Variants in KIF13B observed in about 807,000 individuals in gnomAD.
The protein encoded by KIF13B is kinesin family member 13B, also known as kinesin-like protein KIF13B.
KIF13B carries 127 observed loss-of-function variants against 222.0 expected under a neutral mutation model. That is an observed-to-expected ratio of 0.57 (90% confidence interval 0.50 to 0.66). KIF13B has a LOEUF of 0.66. KIF13B is among the 30% of genes least tolerant of loss of function. KIF13B has a pLI of 0.00. For synonymous variants in KIF13B, 976 were observed against 919.0 expected (o/e 1.06, Z -1.12); for missense variants, 2,173 against 2,379.0 (o/e 0.91, Z 1.80).
Position 29,070,863 on chromosome 8 carries a change from C to T in KIF13B, c.5219-97G>A, listed in dbSNP as rs959719870. On this transcript the variant is annotated intron_variant, in intron 39 of 39. Transcript: ENST00000524189. This position sits in a 1 kb window ranked among gnomAD's most constrained non-coding sequence, Gnocchi z 4.1. ...TGCAGAGGCCATGTGCCCACACTGC[C>T]ACCCCCCCGCACAGGCCCTACACAG... is the stretch of plus-strand genomic sequence containing the variant. 382 of 1,293,242 alleles carry T rather than the reference C, an allele frequency of 3.0e-4. No homozygotes were observed. The highest frequency in any genetic ancestry group is 4.0e-4 in the Non-Finnish European group (372 of 927,976). 80.1% of individuals were successfully genotyped at this position (1,293,242 alleles called of 1,614,324 possible).
intron 5 of KIF13B, among the ~76,000 whole-genome samples, chr8:29,187,373 C>T (rs942356085): frequency 6.6e-6 from 1 of 151,998 alleles, no homozygotes; most frequent in African/African-American, 2.4e-5. Context: ...CCTAAAAATA[C>T]CAAAAAAATT....
intron 9 of KIF13B, 78 bp from the exon 10 acceptor site, chr8:29,176,257 C>A: frequency 1.2e-6 from 1 of 842,938 alleles, no homozygotes; most frequent in South Asian, 1.5e-5. Flanking sequence ...AGATTGAACA[C>A]TAAGATGCCC....
intron 30 of KIF13B, 27 bp from the exon 31 acceptor site, chr8:29,117,034 G>C: frequency 6.6e-7 from 1 of 1,522,278 alleles, no homozygotes; most frequent in Non-Finnish European, 8.9e-7. Flanking sequence ...GAGGAAACAG[G>C]TTTCTCTCTT....
rs1459038546 is a variant in KIF13B at position 29,116,736 on chromosome 8, A to C, written c.3837+95T>G. The C allele has an allele frequency of 5.2e-6, 6 of 1,157,476 alleles. No homozygotes were observed. In the African/African-American group the frequency reaches 6.2e-5, roughly 12 times the overall value. 71.7% of individuals were successfully genotyped at this position (1,157,476 alleles called of 1,614,324 possible). On this transcript the variant is annotated intron_variant, in intron 31 of 39. Transcript: ENST00000524189. ...AAAAGAAAAGCTCAGTGCTTCCGGG[A>C]GCCTGTTTGGACAGAAGGTTAACAG...
intron 1 of KIF13B, among the ~76,000 whole-genome samples, chr8:29,247,634 G>A (rs1816087741): frequency 6.6e-6 from 1 of 151,874 alleles, no homozygotes; most frequent in Non-Finnish European, 1.5e-5. Flanking sequence ...TTTGAGACCA[G>A]CCTGGGCAAC....
chr8:29,078,675 A>C (rs979142672), intron 37 of KIF13B, among the ~76,000 whole-genome samples: 18 of 152,254 alleles, frequency 1.2e-4, no homozygotes, highest in Non-Finnish European at 1.3e-4. Flanking sequence ...ATTAAGGAGA[A>C]GTCCCATGAG....
At chr8:29,210,573 G>A (rs952925994) in intron 2 of KIF13B, among the ~76,000 whole-genome samples, 4 of 152,142 alleles carry the variant, frequency 2.6e-5, no homozygotes, top group African/African-American at 9.7e-5. Context: ...AAAGTGTATG[G>A]CAGATGACAT....
intron 2 of KIF13B, among the ~76,000 whole-genome samples, chr8:29,228,652 G>A (rs1348476506): frequency 3.3e-5 from 5 of 151,794 alleles, no homozygotes; most frequent in Non-Finnish European, 7.4e-5. Context: ...TCTGTCTCAA[G>A]GGAAACTTCT....
intron 2 of KIF13B, among the ~76,000 whole-genome samples, chr8:29,201,268 T>C (rs1181304385): frequency 1.3e-5 from 2 of 152,250 alleles, no homozygotes; most frequent in African/African-American, 2.4e-5. Context: ...GCTGCATATC[T>C]GGGATAAAGA....
rs1807061205 is a variant in KIF13B at position 29,067,714 on chromosome 8, CATACAGGGA to C, written c.*2781_*2789del. ...CACACTCTCAGGACTTCCCGTTTCA[CATACAGGGA>C]ACTTTTAAGGCAAGAGGAGAAAATG... On this transcript the variant is annotated 3_prime_UTR_variant, in exon 40 of 40. Transcript: ENST00000524189. The C allele has an allele frequency of 6.6e-6, 1 of 152,364 alleles. No individual in the cohort carries two copies. The highest frequency in any genetic ancestry group is 2.4e-5 in the African/African-American group (1 of 41,464). The allele number at this position is 152,364 out of a possible 1,614,324, so 9.4% of individuals were successfully genotyped here. A position where few individuals can be genotyped will look rare whatever the true frequency, so the allele number is the denominator to read the frequency against.
In KIF13B at chr8:29,071,545, C is replaced by T; in HGVS notation, c.5218+75G>A. Reference sequence around the variant, plus strand: ...TCCCTCTCCTGCCCGGACCCTGTCCCCTCCCAGGCCGGCCACGTTCCTGCT... The same window carrying T: ...TCCCTCTCCTGCCCGGACCCTGTCCTCTCCCAGGCCGGCCACGTTCCTGCT... On this transcript the variant is annotated intron_variant, in intron 39 of 39. Coordinates refer to ENST00000524189, the MANE Select transcript of KIF13B (RefSeq NM_015254.4). This position sits in a 1 kb window ranked among gnomAD's most constrained non-coding sequence, Gnocchi z 4.9. The T allele has an allele frequency of 7.4e-7, 1 of 1,348,176 alleles. No individual in the cohort carries two copies. The highest frequency in any genetic ancestry group is 1.0e-6 in the Non-Finnish European group (1 of 976,894). 83.5% of individuals were successfully genotyped at this position (1,348,176 alleles called of 1,614,324 possible).
At chr8:29,149,481 A>G (rs1187881402) in intron 15 of KIF13B, among the ~76,000 whole-genome samples, 2 of 152,186 alleles carry the variant, frequency 1.3e-5, no homozygotes, top group Non-Finnish European at 2.9e-5. Flanking sequence ...CCTTGTCAAC[A>G]CAACATCAAT....
rs113258751 is a variant in KIF13B at position 29,167,357 on chromosome 8, C to T, written c.1158+16G>A. On this transcript the variant is annotated intron_variant, in intron 11 of 39. Transcript: ENST00000524189. ...TCTTCCTGGACTCACAGGGCGCACG[C>T]GGTGGTGCCTCCTACCTCTGCTTTG... 3.5e-4 allele frequency: 564 copies of T among 1,599,560 alleles called. No individual in the cohort carries two copies. Among genetic ancestry groups the T allele is most frequent in the Non-Finnish European group, 4.5e-4 (527 of 1,169,258 alleles).
intron 5 of KIF13B, among the ~76,000 whole-genome samples, chr8:29,186,787 C>T (rs1277894958): frequency 2.0e-5 from 3 of 150,694 alleles, no homozygotes; most frequent in Non-Finnish European, 3.0e-5. Context: ...GGTGAAACCC[C>T]GTCTCTACTA....
chr8:29,165,374 C>T lies in KIF13B; in HGVS notation c.1269+288G>A, dbSNP rs565723325. On this transcript the variant is annotated intron_variant, in intron 12 of 39. Coordinates refer to ENST00000524189, the MANE Select transcript of KIF13B (RefSeq NM_015254.4). The stretch of plus-strand genomic sequence containing the variant: ...GGTCTCCAAAGCACTTAATAGAATG[C>T]GGTGTTAAGAGCCAGGGGCTACAAA... Among the ~76,000 whole-genome samples, 7 of 151,976 alleles carry T rather than the reference C, an allele frequency of 4.6e-5. No homozygotes were observed. In the South Asian group the frequency reaches 1.0e-3, roughly 23 times the overall value.
intron 5 of KIF13B, 64 bp downstream of exon 5, chr8:29,188,451 T>G: frequency 5.7e-6 from 6 of 1,044,984 alleles, no homozygotes; most frequent in Non-Finnish European, 8.6e-6. Flanking sequence ...CTCAGTAAAA[T>G]AAACATGGTT....
intron 12 of KIF13B, among the ~76,000 whole-genome samples, chr8:29,164,663 T>C (rs774016171): frequency 2.0e-5 from 3 of 152,202 alleles, no homozygotes; most frequent in Non-Finnish European, 4.4e-5. Flanking sequence ...TGGAGTTGTC[T>C]GATTATGAAA....
chr8:29,148,425 G>A (rs910874760), intron 16 of KIF13B, among the ~76,000 whole-genome samples, 152 bp downstream of exon 16: 10 of 149,718 alleles, frequency 6.7e-5, no homozygotes, highest in Middle Eastern at 3.4e-3. Context: ...AAGAGAGAAC[G>A]TCTTGCTATG....
intron 14 of KIF13B, among the ~76,000 whole-genome samples, chr8:29,152,325 G>A (rs1811334113): frequency 6.6e-6 from 1 of 152,152 alleles, no homozygotes; most frequent in South Asian, 2.1e-4. Context: ...GCAGTGTCAG[G>A]GTCGAAGAAA....
Sources: gnomAD v4.1 joint callset for allele counts (sites outside exome capture counted in the v4.1 genomes callset) on GRCh38, gnomAD v4.1.1 for gene constraint, Gnocchi (gnomAD v3.1) non-coding constraint, MANE v1.5 for transcripts, NCBI Gene and HGNC (gene_info 2026-07-23, HGNC 2026-07-21) for gene names.